MROH6: variants seen among roughly 807,000 people sequenced by gnomAD.
MROH6 encodes maestro heat like repeat family member 6, also known as maestro heat-like repeat-containing protein family member 6.
In MROH6, 62 loss-of-function variants were observed where a neutral mutation model predicts 67.7. The ratio of observed to expected loss-of-function variants is 0.92; its 90% CI spans 0.75 to 1.13. MROH6 has a LOEUF of 1.13. Among genes scored for constraint, MROH6 ranks in the 50% most tolerant of loss-of-function variants. MROH6 has a pLI of 0.00. For synonymous variants in MROH6, 566 were observed against 470.8 expected (o/e 1.20, Z -2.62); for missense variants, 1,175 against 1,029.1 (o/e 1.14, Z -1.94).
chr8:143,567,545 C>G, intron 13 of MROH6, 66 bp downstream of exon 13: 1 of 1,489,818 alleles, frequency 6.7e-7, no homozygotes, highest in Non-Finnish European at 9.0e-7. Flanking sequence ...CCACCGCTCC[C>G]GTCCACTCCG....
chr8:143,572,513 C>G lies in MROH6; in HGVS notation c.202G>C (p.Glu68Gln), dbSNP rs1474986887. ...GGGACGGTGGCCCCACGTCCAGGCTCTGCCTCAGAGGGGGCGGTGAGTGCC... is the reference window on the plus strand; with the variant it reads ...GGGACGGTGGCCCCACGTCCAGGCTGTGCCTCAGAGGGGGCGGTGAGTGCC... ...TQALTAPSEA[E>Q]PGRGATVPEA... The change falls in exon 1 of 14, where the codon GAG (glutamate) becomes CAG (glutamine). Residue 68 changes from glutamate (E) to glutamine (Q), a missense_variant. Coordinates refer to ENST00000398882, the MANE Select transcript of MROH6 (RefSeq NM_001100878.2). 1 of 1,606,096 alleles carries G rather than the reference C, an allele frequency of 6.2e-7. No homozygotes were observed. Among genetic ancestry groups the G allele is most frequent in the Admixed American group, 1.7e-5 (1 of 59,396 alleles).
At position 143,567,562 on chromosome 8, in the gene MROH6, C is replaced by T. The variant is rs1226439242; in HGVS notation, c.1933+49G>A. The stretch of plus-strand genomic sequence containing the variant: ...ACCGCTCCCGTCCACTCCGCCCTAG[C>T]ACCAGCCACGTCTCCAGGACACCAT... On this transcript the variant is annotated intron_variant, in intron 13 of 13. Transcript: ENST00000398882. The T allele has an allele frequency of 2.0e-6, 3 of 1,526,256 alleles. No homozygotes were observed. In the African/African-American group the frequency reaches 4.1e-5, roughly 21 times the overall value. The allele number at this position is 1,526,256 out of a possible 1,614,324, so 94.5% of individuals were successfully genotyped here. A position where few individuals can be genotyped will look rare whatever the true frequency, so the allele number is the denominator to read the frequency against.
At position 143,570,882 on chromosome 8, in the gene MROH6, G is replaced by A; in HGVS notation, c.715C>T (p.Leu239=). Residue 239 remains leucine (L), a synonymous_variant, in exon 4 of 14, where the codon CTG becomes TTG. Transcript: ENST00000398882. The stretch of plus-strand genomic sequence containing the variant: ...TAATGGCTGGAGCCACCTACCGCCA[G>A]TGCCTGGGGCTCCGGCCCCGAAGCA... The part of the protein sequence containing the change: ...KGASGPEPQA[L]AATRALGEML... 1 of 1,113,466 alleles carries A rather than the reference G, an allele frequency of 9.0e-7. No individual in the cohort carries two copies. The highest frequency in any genetic ancestry group is 1.2e-6 in the Non-Finnish European group (1 of 827,526). The allele number at this position is 1,113,466 out of a possible 1,614,324, so 69.0% of individuals were successfully genotyped here. A position where few individuals can be genotyped will look rare whatever the true frequency, so the allele number is the denominator to read the frequency against.
At position 143,567,422 on chromosome 8, in the gene MROH6, C is replaced by T. The variant is rs1213235267; in HGVS notation, c.1977G>A (p.Ala659=). 3.3e-5 allele frequency: 44 copies of T among 1,323,526 alleles called. No homozygotes were observed. The highest frequency in any genetic ancestry group is 6.1e-5 in the African/African-American group (4 of 65,352). The allele number at this position is 1,323,526 out of a possible 1,614,324, so 82.0% of individuals were successfully genotyped here. A position where few individuals can be genotyped will look rare whatever the true frequency, so the allele number is the denominator to read the frequency against. ...CCTGCTGAGCGGACACGTGCGCTGCCGCGGCCACAGCCGGCTTGGGGTCGC... is the reference window on the plus strand; with the variant it reads ...CCTGCTGAGCGGACACGTGCGCTGCTGCGGCCACAGCCGGCTTGGGGTCGC... ...LQSDPKPAVA[A]AAHVSAQQVA... The change falls in exon 14 of 14, where the codon GCG becomes GCA. Residue 659 remains alanine, a synonymous_variant. Coordinates refer to ENST00000398882, the MANE Select transcript of MROH6 (RefSeq NM_001100878.2).
At position 143,572,542 on chromosome 8, in the gene MROH6, G is replaced by T. The variant is rs1824119804; in HGVS notation, c.173C>A (p.Thr58Asn). 6.2e-7 allele frequency: 1 copy of T among 1,606,820 alleles called. No homozygotes were observed. The change falls in exon 1 of 14, where the codon ACC becomes AAC. Residue 58 changes from threonine to asparagine, a missense_variant. Transcript: ENST00000398882. ...CTCAGAGGGGGCGGTGAGTGCCTGG[G>T]TCTGTGGCTCAGCCTCAGGTTTGAC... Reference protein sequence around the residue: ...WEVKPEAEPQTQALTAPSEAE... With the variant: ...WEVKPEAEPQNQALTAPSEAE...
rs200776429 is a variant in MROH6, at chr8:143,570,006, C to G, written c.1103G>C (p.Arg368Pro). ...CTGCGGGTCGTCCGCGCTGCGAAGC[C>G]GAGGGAGCAAGTCTGCGAAGAGGCC... is the stretch of plus-strand genomic sequence containing the variant. ...LRGLFADLLP[R>P]LRSADDPQRL... The change falls in exon 7 of 14, where the codon CGG becomes CCG. Residue 368 changes from arginine to proline, a missense_variant. Transcript: ENST00000398882. 241 of 1,609,702 alleles carry G rather than the reference C, an allele frequency of 1.5e-4. No homozygotes were observed. Among genetic ancestry groups the G allele is most frequent in the Admixed American group, 1.4e-3 (86 of 59,868 alleles).
At chr8:143,571,071 G>T in intron 3 of MROH6, 77 bp from the exon 4 acceptor site, 2 of 1,243,874 alleles carry the variant, frequency 1.6e-6, no homozygotes, top group Non-Finnish European at 2.3e-6. Context: ...CCCAGCCAGG[G>T]TGGAGGCAGC....
In MROH6 at chr8:143,568,733, C is replaced by G; in HGVS notation, c.1477-14G>C. The G allele has an allele frequency of 6.8e-7, 1 of 1,465,346 alleles. No homozygotes were observed. The highest frequency in any genetic ancestry group is 9.0e-7 in the Non-Finnish European group (1 of 1,109,528). The allele number at this position is 1,465,346 out of a possible 1,614,324, so 90.8% of individuals were successfully genotyped here. ...TGAGTCCCGTGTCTGCGTGGGAGGG[C>G]GCAGTCAGGGCAGGCGGAGACAGAG... On this transcript the variant is annotated splice_polypyrimidine_tract_variant and intron_variant, in intron 9 of 13. Transcript: ENST00000398882.
In MROH6 at chr8:143,569,483, C is replaced by A. The variant is rs1190574962; in HGVS notation, c.1434G>T (p.Leu478=). Residue 478 remains leucine, a synonymous_variant, in exon 9 of 14, where the codon CTG becomes CTT. Transcript: ENST00000398882. Reference sequence around the variant, plus strand: ...GGAGGCGCGGTCCCAGCTCCGCGCTCAGGAGCCGCACAGGCGCCCGGGGCC... The same window carrying A: ...GGAGGCGCGGTCCCAGCTCCGCGCTAAGGAGCCGCACAGGCGCCCGGGGCC... The part of the protein sequence containing the change: ...LLRPRAPVRL[L]SAELGPRLPP... 2.0e-6 allele frequency: 3 copies of A among 1,478,634 alleles called. No individual in the cohort carries two copies. Among genetic ancestry groups the A allele is most frequent in the Non-Finnish European group, 1.8e-6 (2 of 1,124,404 alleles). 91.6% of individuals were successfully genotyped at this position (1,478,634 alleles called of 1,614,324 possible).
chr8:143,570,953 C>G lies in MROH6; in HGVS notation c.644G>C (p.Arg215Pro), dbSNP rs202222665. The G allele has an allele frequency of 6.5e-7, 1 of 1,548,432 alleles. No individual in the cohort carries two copies. The highest frequency in any genetic ancestry group is 1.2e-5 in the South Asian group (1 of 83,944). The change falls in exon 4 of 14, where the codon CGT becomes CCT. Residue 215 changes from arginine (R) to proline (P), a missense_variant. By Grantham distance (103) the Arg-to-Pro change is moderately radical. Coordinates refer to ENST00000398882, the MANE Select transcript of MROH6 (RefSeq NM_001100878.2). The part of the protein sequence containing the change: ...ELWRSLSRNQ[R>P]VNGQVLVQLL... ...TTGCACCAGCACCTGCCCATTTACA[C>G]GCTGGTTACGGCTTAGGCTGCGCCA...
rs1823788241 is a variant in MROH6 at position 143,568,700 on chromosome 8, GCGCGGA to G, written c.1490_1495del (p.Ile497_Ala499delinsThr). 2 of 1,502,568 alleles carry G rather than the reference GCGCGGA, an allele frequency of 1.3e-6. No homozygotes were observed. The highest frequency in any genetic ancestry group is 4.4e-5 in the Admixed American group (2 of 45,868). The allele number at this position is 1,502,568 out of a possible 1,614,324, so 93.1% of individuals were successfully genotyped here. On this transcript the variant is annotated inframe_deletion, in exon 10 of 14. Coordinates refer to ENST00000398882, the MANE Select transcript of MROH6 (RefSeq NM_001100878.2). Reference sequence around the variant, plus strand: ...AGTCCCAAGGAGCCCGACGGCCGAGGCGCGGATTGAGTCCCGTGTCTGCGTGGGAGG... The same window carrying G: ...AGTCCCAAGGAGCCCGACGGCCGAGGTTGAGTCCCGTGTCTGCGTGGGAGG...
intron 10 of MROH6, 34 bp from the exon 11 acceptor site, chr8:143,568,295 C>T (rs746093618): frequency 1.9e-6 from 3 of 1,578,244 alleles, no homozygotes; most frequent in Non-Finnish European, 2.6e-6. Context: ...GTCAGGGGTC[C>T]AGGAAGTAGA....
Position 143,567,285 on chromosome 8 carries a change from C to G in MROH6, c.2114G>C (p.Arg705Pro). The G allele has an allele frequency of 1.6e-6, 2 of 1,222,454 alleles. No homozygotes were observed. Among genetic ancestry groups the G allele is most frequent in the Non-Finnish European group, 2.0e-6 (2 of 981,882 alleles). The allele number at this position is 1,222,454 out of a possible 1,614,324, so 75.7% of individuals were successfully genotyped here. A position where few individuals can be genotyped will look rare whatever the true frequency, so the allele number is the denominator to read the frequency against. Residue 705 changes from arginine (R) to proline (P), a missense_variant, in exon 14 of 14, where the codon CGG (arginine) becomes CCG (proline). By Grantham distance (103) the Arg-to-Pro change is moderately radical (BLOSUM62 -2). Coordinates refer to ENST00000398882, the MANE Select transcript of MROH6 (RefSeq NM_001100878.2). ...GCAGCCCCAGCGGCCCGCGACGCTC[C>G]GGCGCTGGAAGGGGCTGTCGGCGAA... ...PVFADSPFQRRSVAGRWGCSG... is the reference protein window; with the variant it reads ...PVFADSPFQRPSVAGRWGCSG...
chr8:143,567,984 C>A (rs973345310), intron 11 of MROH6, 96 bp from the exon 12 acceptor site: 14 of 1,424,736 alleles, frequency 9.8e-6, no homozygotes, highest in South Asian at 1.4e-5. Context: ...TCCAGGGGAG[C>A]CCCCAGGGCA....
rs572665042 is a variant in MROH6, at chr8:143,570,975, G to A, written c.622C>T (p.Arg208Cys). Residue 208 changes from arginine to cysteine, a missense_variant, in exon 4 of 14, where the codon CGC (arginine) becomes TGC (cysteine). Coordinates refer to ENST00000398882, the MANE Select transcript of MROH6 (RefSeq NM_001100878.2). ...ACACGCTGGTTACGGCTTAGGCTGCGCCAGAGCTCGGCTGCTACCCTGAGG... is the reference window on the plus strand; with the variant it reads ...ACACGCTGGTTACGGCTTAGGCTGCACCAGAGCTCGGCTGCTACCCTGAGG... ...PADRVAAELW[R>C]SLSRNQRVNG... is the part of the protein sequence containing the mutation. The A allele has an allele frequency of 2.6e-5, 40 of 1,548,926 alleles. No individual in the cohort carries two copies. The highest frequency in any genetic ancestry group is 2.2e-4 in the Middle Eastern group (1 of 4,526).
Position 143,567,139 on chromosome 8 carries a change from G to T in MROH6, c.*100C>A. Reference sequence around the variant, plus strand: ...GGGTGGGGGAGGGCATTGGCGTCCAGCACCAGGCCCAGGGAGCCCCTCCGT... The same window carrying T: ...GGGTGGGGGAGGGCATTGGCGTCCATCACCAGGCCCAGGGAGCCCCTCCGT... On this transcript the variant is annotated 3_prime_UTR_variant, in exon 14 of 14. Coordinates refer to ENST00000398882, the MANE Select transcript of MROH6 (RefSeq NM_001100878.2). 1 of 606,002 alleles carries T rather than the reference G, an allele frequency of 1.7e-6. No homozygotes were observed. Among genetic ancestry groups the T allele is most frequent in the Non-Finnish European group, 2.3e-6 (1 of 425,926 alleles). 37.5% of individuals were successfully genotyped at this position (606,002 alleles called of 1,614,324 possible).
rs1478083958 is a variant in MROH6, at chr8:143,567,688, C to G, written c.1868-12G>C. On this transcript the variant is annotated splice_polypyrimidine_tract_variant and intron_variant, in intron 12 of 13. Transcript: ENST00000398882. ...GTGGACAAGGAAGCCTGGACCACAG[C>G]AGATGCATGAGTGCAGGCCCCACAG... The G allele has an allele frequency of 1.3e-6, 2 of 1,579,424 alleles. No homozygotes were observed. Among genetic ancestry groups the G allele is most frequent in the Middle Eastern group, 1.7e-4 (1 of 5,992 alleles).
At position 143,569,563 on chromosome 8, in the gene MROH6, CTTCGCCCAG is replaced by C. The variant is rs1823873863; in HGVS notation, c.1345_1353del (p.Leu449_Glu451del). 3 of 1,551,962 alleles carry C rather than the reference CTTCGCCCAG, an allele frequency of 1.9e-6. No homozygotes were observed. Among genetic ancestry groups the C allele is most frequent in the Non-Finnish European group, 2.6e-6 (3 of 1,155,248 alleles). On this transcript the variant is annotated inframe_deletion, in exon 9 of 14. Coordinates refer to ENST00000398882, the MANE Select transcript of MROH6 (RefSeq NM_001100878.2). ...GCTGCACCCACGAGCCGCGCGTCGC[CTTCGCCCAG>C]TGCGCCCAGGAGCGCCGGCAGCAGC...
intron 4 of MROH6, 57 bp from the exon 5 acceptor site, chr8:143,570,714 C>T (rs1423127469): frequency 6.5e-7 from 1 of 1,530,896 alleles, no homozygotes. Flanking sequence ...CACTGGGCAG[C>T]AGAGGGACAG....
Sources: gnomAD v4.1 joint callset for allele counts on GRCh38, gnomAD v4.1.1 for gene constraint, MANE v1.5 for transcripts, NCBI Gene and HGNC (gene_info 2026-07-23, HGNC 2026-07-21) for gene names.